VEZF1: variants seen among roughly 807,000 people sequenced by gnomAD.
VEZF1 encodes putative transcription factor DB1.
A neutral mutation model predicts 44.1 loss-of-function variants in VEZF1; 5 were observed. The ratio of observed to expected loss-of-function variants is 0.11; its 90% CI spans 0.06 to 0.24. The LOEUF is 0.24. Ranked by LOEUF, VEZF1 falls within the 10% of genes least tolerant of loss-of-function variation. The pLI, the probability that VEZF1 is intolerant of heterozygous loss-of-function variation, is 1.00. For missense variants in VEZF1, 358 were observed against 641.8 expected (o/e 0.56, Z 4.78); for synonymous variants, 236 against 233.1 (o/e 1.01, Z -0.11).
chr17:57,976,417 AAC>A (rs1484301694), intron 5 of VEZF1, among the ~76,000 whole-genome samples: 1 of 151,996 alleles, frequency 6.6e-6, no homozygotes, highest in African/African-American at 2.4e-5. Flanking sequence ...CAAACAAACA[AAC>A]AAAAAAAACC....
At chr17:57,979,339 C>T (rs748702502) in intron 4 of VEZF1, 26 bp from the exon 5 acceptor site, 6 of 1,606,406 alleles carry the variant, frequency 3.7e-6, no homozygotes, top group Non-Finnish European at 4.3e-6. Context: ...ACCAAAAACA[C>T]TGTATCTACC....
intron 3 of VEZF1, 116 bp from the exon 4 acceptor site, chr17:57,980,902 AT>A: frequency 1.1e-6 from 1 of 938,994 alleles, no homozygotes; most frequent in Non-Finnish European, 1.6e-6. Flanking sequence ...AACTAGTTGA[AT>A]TTTAATTGCA....
intron 1 of VEZF1, among the ~76,000 whole-genome samples, chr17:57,987,812 TGTGA>T (rs1296664740): frequency 6.6e-5 from 10 of 151,544 alleles, no homozygotes; most frequent in Admixed American, 3.9e-4. Context: ...GAAGGGTGTG[TGTGA>T]GTGTGTGTGT....
chr17:57,979,789 G>C (rs137917083), intron 4 of VEZF1, among the ~76,000 whole-genome samples: 2 of 151,648 alleles, frequency 1.3e-5, no homozygotes, highest in Non-Finnish European at 2.9e-5. Flanking sequence ...GTGAAACGCC[G>C]TCTCTATGAA....
At position 57,974,560 on chromosome 17, in the gene VEZF1, T is replaced by C. The variant is rs565888558; in HGVS notation, c.1479A>G (p.Thr493=). 30 of 1,614,050 alleles carry C rather than the reference T, an allele frequency of 1.9e-5. No individual in the cohort carries two copies. Among genetic ancestry groups the C allele is most frequent in the Non-Finnish European group, 2.3e-5 (27 of 1,180,048 alleles). The change falls in exon 6 of 6, where the codon ACA becomes ACG. Residue 493 remains threonine (T), a synonymous_variant. Transcript: ENST00000581208. The part of the protein sequence containing the change: ...TSPMNLPTPM[T]LAAPLNIAMR... Reference sequence around the variant, plus strand: ...TTGCTATATTGAGAGGGGCGGCTAATGTCATAGGTGTGGGTAGATTCATTG... The same window carrying C: ...TTGCTATATTGAGAGGGGCGGCTAACGTCATAGGTGTGGGTAGATTCATTG...
intron 5 of VEZF1, among the ~76,000 whole-genome samples, chr17:57,978,473 TA>T (rs1307625499): frequency 9.9e-5 from 15 of 152,160 alleles, no homozygotes; most frequent in African/African-American, 3.4e-4. Flanking sequence ...AAAGCTGTAC[TA>T]GTAAGTTGAA....
intron 1 of VEZF1, among the ~76,000 whole-genome samples, chr17:57,983,991 A>C (rs936554912): frequency 6.6e-6 from 1 of 152,220 alleles, no homozygotes; most frequent in African/African-American, 2.4e-5. Context: ...GGTTTGGTTG[A>C]AACAAAATCT....
intron 1 of VEZF1, among the ~76,000 whole-genome samples, chr17:57,987,015 T>C (rs1380054980): frequency 2.0e-5 from 3 of 152,200 alleles, no homozygotes; most frequent in African/African-American, 7.2e-5. Flanking sequence ...AAAAAATAAG[T>C]TCCAGCCTAG....
intron 1 of VEZF1, among the ~76,000 whole-genome samples, chr17:57,986,979 G>A (rs931603720): frequency 6.6e-6 from 1 of 152,152 alleles, no homozygotes; most frequent in Admixed American, 6.5e-5. Flanking sequence ...TGAATGCTTC[G>A]TTTTGCAAAC....
At chr17:57,976,459 G>C (rs1598043592) in intron 5 of VEZF1, among the ~76,000 whole-genome samples, 1 of 152,154 alleles carries the variant, frequency 6.6e-6, no homozygotes, top group Non-Finnish European at 1.5e-5. Context: ...GACTCCAGGA[G>C]AATCAATAGT....
chr17:57,979,000 ATACTT>A, intron 5 of VEZF1, 147 bp downstream of exon 5: 1 of 1,083,080 alleles, frequency 9.2e-7, no homozygotes, highest in Non-Finnish European at 1.3e-6. Flanking sequence ...GCCAATAACT[ATACTT>A]TACCAGATAT....
chr17:57,985,679 T>C (rs2075287646), intron 1 of VEZF1, among the ~76,000 whole-genome samples: 1 of 152,200 alleles, frequency 6.6e-6, no homozygotes, highest in Admixed American at 6.5e-5. Context: ...AGAAATGTTA[T>C]TTCATCACCC....
chr17:57,977,701 G>A (rs1343653006), intron 5 of VEZF1, among the ~76,000 whole-genome samples: 6 of 151,884 alleles, frequency 4.0e-5, no homozygotes, highest in Admixed American at 6.6e-5. Flanking sequence ...AAAATTAGCT[G>A]GGCGCGGTGG....
chr17:57,982,583 A>G (rs2075259787), intron 2 of VEZF1, 116 bp downstream of exon 2: 1 of 1,004,528 alleles, frequency 1.0e-6, no homozygotes, highest in Middle Eastern at 2.2e-4. Flanking sequence ...ATCTCCTCTA[A>G]TAACACAGGT....
rs748473949 is a variant in VEZF1, at chr17:57,982,995, C to T, written c.432G>A (p.Ser144=). 8.7e-6 allele frequency: 14 copies of T among 1,613,886 alleles called. No individual in the cohort carries two copies. In the Admixed American group the frequency reaches 1.2e-4, roughly 13 times the overall value. The part of the protein sequence containing the change: ...GILSTVTTSS[S]GTNPSSSAST... ...TGGCACTGCTACTGGGGTTGGTGCCCGAGGAAGATGTAGTGACTGTTGACA... is the reference window on the plus strand; with the variant it reads ...TGGCACTGCTACTGGGGTTGGTGCCTGAGGAAGATGTAGTGACTGTTGACA... The change falls in exon 2 of 6, where the codon TCG becomes TCA. Residue 144 remains serine, a synonymous_variant. Transcript: ENST00000581208.
intron 4 of VEZF1, among the ~76,000 whole-genome samples, chr17:57,980,012 G>A (rs1234326053): frequency 1.3e-5 from 2 of 149,192 alleles, no homozygotes; most frequent in Non-Finnish European, 1.5e-5. Context: ...AGAAGTGAAT[G>A]CTTATAAAGT....
intron 1 of VEZF1, among the ~76,000 whole-genome samples, chr17:57,984,492 A>G (rs2075278058): frequency 6.6e-6 from 1 of 152,222 alleles, no homozygotes; most frequent in South Asian, 2.1e-4. Context: ...AGTGAGCCCA[A>G]GCCCCTATGC....
chr17:57,972,884 T>C lies in VEZF1; in HGVS notation c.*1589A>G, dbSNP rs550006731. 6.5e-6 allele frequency: 1 copy of C among 152,756 alleles called. No individual in the cohort carries two copies. The highest frequency in any genetic ancestry group is 2.4e-5 in the African/African-American group (1 of 41,566). The allele number at this position is 152,756 out of a possible 1,614,324, so 9.5% of individuals were successfully genotyped here. A position where few individuals can be genotyped will look rare whatever the true frequency, so the allele number is the denominator to read the frequency against. On this transcript the variant is annotated 3_prime_UTR_variant, in exon 6 of 6. Transcript: ENST00000581208. ...ACCTGTCCCTGATGTAGGAAGTCTG[T>C]CTCAGATGCAAGGTATTTTGATGCT...
intron 4 of VEZF1, 130 bp downstream of exon 4, chr17:57,980,473 G>C: frequency 1.2e-6 from 1 of 817,394 alleles, no homozygotes; most frequent in Non-Finnish European, 2.0e-6. Flanking sequence ...GTCCATTGTT[G>C]CCTGTTTGCA....
Sources: gnomAD v4.1 joint callset for allele counts (sites outside exome capture counted in the v4.1 genomes callset) on GRCh38, gnomAD v4.1.1 for gene constraint, MANE v1.5 for transcripts, NCBI Gene and HGNC (gene_info 2026-07-23, HGNC 2026-07-21) for gene names.